WNK1: variants seen among roughly 807,000 people sequenced by gnomAD.
The protein encoded by WNK1 is WNK lysine deficient protein kinase 1, also known as serine/threonine-protein kinase WNK1.
In WNK1, 38 loss-of-function variants were observed where a neutral mutation model predicts 222.8. That is an observed-to-expected ratio of 0.17 (90% CI 0.13 to 0.22). The LOEUF is 0.22. Ranked by LOEUF, WNK1 falls within the 10% of genes least tolerant of loss-of-function variation. WNK1 has a pLI of 1.00. For synonymous variants in WNK1, 1,090 were observed against 1,092.9 expected (o/e 1.00, Z 0.05); for missense variants, 2,348 against 2,918.4 (o/e 0.80, Z 4.50).
chr12:801,565 T>C (rs896681641), intron 1 of WNK1, among the ~76,000 whole-genome samples: 1 of 147,070 alleles, frequency 6.8e-6, no homozygotes, highest in Non-Finnish European at 1.5e-5. Flanking sequence ...TGTGCCACCA[T>C]GCCTGACCAT....
intron 1 of WNK1, among the ~76,000 whole-genome samples, chr12:755,155 G>A (rs541680765): frequency 6.6e-6 from 1 of 152,310 alleles, no homozygotes; most frequent in South Asian, 2.1e-4. Flanking sequence ...GGTTTAAACA[G>A]CTGAGTTTGG....
At chr12:869,813 CTT>C (rs926387715) in intron 8 of WNK1, among the ~76,000 whole-genome samples, 1 of 142,698 alleles carries the variant, frequency 7.0e-6, no homozygotes, top group Non-Finnish European at 1.5e-5. Flanking sequence ...GAGTGGTGGG[CTT>C]TTTTTTTTTG....
At chr12:862,021 A>G (rs1951255957) in intron 7 of WNK1, 62 bp from the exon 8 acceptor site, 1 of 1,586,282 alleles carries the variant, frequency 6.3e-7, no homozygotes, top group Non-Finnish European at 8.6e-7. Context: ...GAAAATGTGA[A>G]CCTCCATTTT....
chr12:776,280 T>C lies in WNK1; in HGVS notation c.759+21956T>C, dbSNP rs139549980. On this transcript the variant is annotated intron_variant, in intron 1 of 27. Coordinates refer to ENST00000315939, the MANE Select transcript of WNK1 (RefSeq NM_018979.4). Reference sequence around the variant, plus strand: ...CAACTCTTGGCCACAAGTGATCCTTTGCCTCAGCCTCCCAACGTGCTGGGA... The same window carrying C: ...CAACTCTTGGCCACAAGTGATCCTTCGCCTCAGCCTCCCAACGTGCTGGGA... 2.9e-3 allele frequency among the ~76,000 whole-genome samples: 449 copies of C among 152,256 alleles called. 4 individuals are homozygous for C. The Middle Eastern group carries it at 0.037, about 13-fold the overall frequency.
intron 4 of WNK1, among the ~76,000 whole-genome samples, chr12:855,691 A>G (rs988341495): frequency 1.5e-4 from 23 of 152,180 alleles, no homozygotes; most frequent in African/African-American, 4.8e-4. Flanking sequence ...TGAACAGCAT[A>G]TCAGTGCTTC....
At chr12:871,817 G>A (rs1952177253) in intron 9 of WNK1, among the ~76,000 whole-genome samples, 2 of 152,130 alleles carry the variant, frequency 1.3e-5, no homozygotes, top group Non-Finnish European at 2.9e-5. Context: ...TGGCCAGGCT[G>A]GTCTCAAACT....
intron 1 of WNK1, among the ~76,000 whole-genome samples, chr12:757,277 T>C (rs1479391146): frequency 6.6e-6 from 1 of 151,272 alleles, no homozygotes; most frequent in African/African-American, 2.4e-5. Context: ...AGTCATGCTA[T>C]GCATTGCTCT....
intron 10 of WNK1, 139 bp downstream of exon 10, chr12:878,500 T>C (rs1952826746): frequency 1.1e-6 from 1 of 919,544 alleles, no homozygotes; most frequent in Admixed American, 2.5e-5. Flanking sequence ...TTGAAGTAGG[T>C]TAATCTCATT....
Position 885,386 on chromosome 12 carries a change from T to A in WNK1, c.4582T>A (p.Ser1528Thr), listed in dbSNP as rs530093512. ...LAETVVVSAH[S>T]LDKTSHSSTT... is the part of the protein sequence containing the mutation. ...TGAAACCGTGGTAGTTAGCGCACAC[T>A]CACTAGATAAGACATCTCATAGCAG... Residue 1528 changes from serine (S) to threonine (T), a missense_variant, in exon 19 of 28, where the codon TCA (serine) becomes ACA (threonine). By Grantham distance (58) the Ser-to-Thr change is moderately conservative (BLOSUM62 1). Around this residue, in one of 13 missense-constraint regions of WNK1, gnomAD observed 1,144 missense variants for 1,273.6 expected, o/e 0.90. Transcript: ENST00000315939. The A allele has an allele frequency of 1.1e-4, 178 of 1,613,748 alleles. 1 individual carries two copies. In the South Asian group the frequency reaches 1.7e-3, roughly 15 times the overall value.
chr12:803,406 C>T (rs1004133347), intron 1 of WNK1, among the ~76,000 whole-genome samples: 15 of 152,100 alleles, frequency 9.9e-5, no homozygotes, highest in Admixed American at 6.5e-4. Context: ...TATACAATAG[C>T]GTGATAAATA....
chr12:871,127 C>A (rs1016632005), intron 8 of WNK1, 138 bp from the exon 9 acceptor site: 3 of 804,426 alleles, frequency 3.7e-6, no homozygotes, highest in South Asian at 2.9e-5. Context: ...CCAGAGGCCT[C>A]TCCCATACAT....
At chr12:760,605 A>T (rs1176404287) in intron 1 of WNK1, among the ~76,000 whole-genome samples, 2 of 147,896 alleles carry the variant, frequency 1.4e-5, no homozygotes, top group Admixed American at 6.7e-5. Context: ...TATTAAACTT[A>T]GTTGGATTTT....
chr12:816,763 T>C (rs999667938), intron 2 of WNK1, among the ~76,000 whole-genome samples: 2 of 152,144 alleles, frequency 1.3e-5, no homozygotes, highest in African/African-American at 2.4e-5. Context: ...CAAAACTGTT[T>C]CCAAAGAAGA....
chr12:753,545 CCT>C lies in WNK1; in HGVS notation c.-15_-14del, dbSNP rs779523515. The C allele has an allele frequency of 1.2e-6, 2 of 1,611,716 alleles. No individual in the cohort carries two copies. Among genetic ancestry groups the C allele is most frequent in the Non-Finnish European group, 8.5e-7 (1 of 1,179,840 alleles). ...TCGTTCACGAATCCGAGCCCGCTCG[CCT>C]CTCTCCAGCGAACCGACCATGTCTG... On this transcript the variant is annotated 5_prime_UTR_variant, in exon 1 of 28. Coordinates refer to ENST00000315939, the MANE Select transcript of WNK1 (RefSeq NM_018979.4). The surrounding 1 kb of genome is among the most constrained non-coding windows in gnomAD (Gnocchi z 5.2).
intron 1 of WNK1, among the ~76,000 whole-genome samples, chr12:758,562 TA>T (rs1303955270): frequency 6.9e-6 from 1 of 144,954 alleles, no homozygotes; most frequent in Non-Finnish European, 1.5e-5. Context: ...TAATTTTTTG[TA>T]TTTTTAGTAG....
At chr12:871,149 T>A in intron 8 of WNK1, 116 bp from the exon 9 acceptor site, 1 of 952,706 alleles carries the variant, frequency 1.0e-6, no homozygotes, top group Non-Finnish European at 1.7e-6. Context: ...ATCAGGTTAA[T>A]GTTTCATTTT....
chr12:883,135 A>G (rs1305915081), intron 15 of WNK1, 76 bp downstream of exon 15: 4 of 1,106,210 alleles, frequency 3.6e-6, no homozygotes, highest in Non-Finnish European at 5.6e-6. Context: ...CAAATATGCC[A>G]TATTTTATAA....
chr12:881,354 G>A (rs1299964537), intron 12 of WNK1: 1 of 445,764 alleles, frequency 2.2e-6, no homozygotes, highest in African/African-American at 2.0e-5. Context: ...TGCCCTGCTA[G>A]GAGAAGATCT....
At chr12:836,919 A>C (rs915836133) in intron 4 of WNK1, among the ~76,000 whole-genome samples, 2 of 152,114 alleles carry the variant, frequency 1.3e-5, no homozygotes, top group African/African-American at 4.8e-5. Context: ...TTGTATGTGC[A>C]TACTAAAAAT....
Sources: allele counts gnomAD v4.1 joint callset (sites outside exome capture counted in the v4.1 genomes callset), GRCh38; gene constraint gnomAD v4.1.1; regional missense constraint gnomAD v4.1.1; non-coding constraint Gnocchi (gnomAD v3.1); transcripts MANE v1.5; gene names NCBI Gene and HGNC (gene_info 2026-07-23, HGNC 2026-07-21).